CTNNA3: variants seen among roughly 807,000 people sequenced by gnomAD.
CTNNA3 encodes the protein catenin alpha-3.
Under a neutral mutation model 95.7 loss-of-function variants are expected in CTNNA3, and 76 were observed. The observed-to-expected ratio is 0.79, with a 90% CI of 0.66 to 0.96. The LOEUF (loss-of-function observed/expected upper bound fraction) is 0.96, where lower values mean the gene tolerates loss of function less well. CTNNA3 is among the 40% of genes least tolerant of loss of function. CTNNA3 has a pLI of 0.00. For synonymous variants in CTNNA3, 431 were observed against 374.4 expected (o/e 1.15, Z -1.74); for missense variants, 1,191 against 1,089.8 (o/e 1.09, Z -1.31).
intron 15 of CTNNA3, among the ~76,000 whole-genome samples, chr10:66,047,917 C>A (rs1484508601): frequency 2.0e-5 from 3 of 151,810 alleles, no homozygotes; most frequent in East Asian, 1.9e-4. Context: ...TACAGCTAAC[C>A]AGGGAGGTGA....
intron 5 of CTNNA3, among the ~76,000 whole-genome samples, chr10:67,319,403 C>T (rs1028157879): frequency 6.6e-6 from 1 of 152,086 alleles, no homozygotes; most frequent in Non-Finnish European, 1.5e-5. Flanking sequence ...GTAACCCCAA[C>T]CCGGTAGCAC....
intron 17 of CTNNA3, among the ~76,000 whole-genome samples, chr10:65,954,213 G>A (rs1206683307): frequency 4.6e-5 from 7 of 152,084 alleles, no homozygotes; most frequent in South Asian, 2.1e-4. Context: ...CATATCCTTC[G>A]CCCACTTTTT....
intron 7 of CTNNA3, among the ~76,000 whole-genome samples, chr10:67,112,013 A>C (rs181445567): frequency 2.6e-5 from 4 of 151,980 alleles, no homozygotes; most frequent in Non-Finnish European, 5.9e-5. Flanking sequence ...TTAGCCTCCC[A>C]AAAAAAAGTG....
chr10:65,957,156 G>C (rs1007644564), intron 17 of CTNNA3, among the ~76,000 whole-genome samples: 2 of 151,984 alleles, frequency 1.3e-5, no homozygotes, highest in African/African-American at 4.8e-5. Context: ...CCTTCTTTGT[G>C]TCTTTTTATC....
intron 3 of CTNNA3, among the ~76,000 whole-genome samples, chr10:67,554,020 T>C (rs1277762374): frequency 1.3e-5 from 2 of 152,240 alleles, no homozygotes; most frequent in Admixed American, 6.5e-5. Flanking sequence ...TTTGGTTTTC[T>C]GTCCTTGTGA....
intron 17 of CTNNA3, among the ~76,000 whole-genome samples, chr10:65,937,864 T>A (rs572899725): frequency 1.3e-5 from 2 of 152,232 alleles, no homozygotes; most frequent in South Asian, 4.1e-4. Context: ...CATGACACTT[T>A]GCAAGCAGGT....
chr10:67,558,514 T>C (rs567284099), intron 3 of CTNNA3, among the ~76,000 whole-genome samples: 36 of 152,314 alleles, frequency 2.4e-4, no homozygotes, highest in Non-Finnish European at 3.4e-4. Context: ...GCAGCCAAGA[T>C]GGCCGAATAG....
intron 12 of CTNNA3, among the ~76,000 whole-genome samples, chr10:66,282,719 A>G (rs937711190): frequency 6.6e-6 from 1 of 151,804 alleles, no homozygotes; most frequent in Admixed American, 6.6e-5. Context: ...TGCTCTTAGC[A>G]TTAAGTATTA....
At chr10:66,690,530 G>A (rs900385381) in intron 9 of CTNNA3, among the ~76,000 whole-genome samples, 1 of 146,814 alleles carries the variant, frequency 6.8e-6, no homozygotes, top group Admixed American at 6.9e-5. Flanking sequence ...CTGTGTCCAC[G>A]TGTTCTCATC....
chr10:66,289,314 C>A (rs974686301), intron 12 of CTNNA3, among the ~76,000 whole-genome samples: 11 of 150,886 alleles, frequency 7.3e-5, no homozygotes, highest in African/African-American at 2.7e-4. Flanking sequence ...ACAGGCCAGG[C>A]GTGGTGGCTC....
intron 7 of CTNNA3, among the ~76,000 whole-genome samples, chr10:67,140,376 A>C (rs1860499120): frequency 6.6e-6 from 1 of 152,158 alleles, no homozygotes; most frequent in Non-Finnish European, 1.5e-5. Flanking sequence ...AGAATAGCAA[A>C]ATGGGCTGCA....
intron 9 of CTNNA3, among the ~76,000 whole-genome samples, chr10:66,671,335 T>A (rs1041153858): frequency 1.3e-5 from 2 of 152,090 alleles, no homozygotes; most frequent in Non-Finnish European, 2.9e-5. Context: ...ATTGAAATCA[T>A]TTTTTTAATA....
intron 16 of CTNNA3, among the ~76,000 whole-genome samples, chr10:65,972,652 T>C (rs1005795036): frequency 6.6e-6 from 1 of 151,960 alleles, no homozygotes; most frequent in African/African-American, 2.4e-5. Flanking sequence ...GTGAAAGATC[T>C]CTACAAGGAG....
rs902938979 is a variant in CTNNA3, at chr10:67,662,961, T to C, written c.-5-15443A>G. ...TACATTATTTCATTCACTATATAAT[T>C]ACAAGTTTCCACTGATATCCTTTGG... On this transcript the variant is annotated intron_variant, in intron 1 of 17. Transcript: ENST00000433211. Among the ~76,000 whole-genome samples the C allele has an allele frequency of 5.3e-5, 8 of 152,350 alleles. No homozygotes were observed. The East Asian group carries it at 1.5e-3, about 29-fold the overall frequency.
chr10:66,132,949 A>T (rs959239960), intron 13 of CTNNA3, among the ~76,000 whole-genome samples: 1 of 152,176 alleles, frequency 6.6e-6, no homozygotes, highest in Non-Finnish European at 1.5e-5. Context: ...ACTGTTGGTT[A>T]CTTGTCTTAG....
intron 12 of CTNNA3, among the ~76,000 whole-genome samples, chr10:66,319,296 A>C (rs2092149275): frequency 6.6e-6 from 1 of 152,134 alleles, no homozygotes; most frequent in African/African-American, 2.4e-5. Flanking sequence ...CCATAGAGCT[A>C]CTTACTGATT....
intron 2 of CTNNA3, among the ~76,000 whole-genome samples, chr10:67,639,313 T>C (rs921704715): frequency 3.9e-5 from 6 of 152,136 alleles, no homozygotes; most frequent in South Asian, 2.1e-4. Context: ...CAGGAAGAAG[T>C]TGAATCTCTG....
intron 3 of CTNNA3, among the ~76,000 whole-genome samples, chr10:67,560,004 C>T (rs1202323192): frequency 4.6e-5 from 7 of 152,236 alleles, no homozygotes; most frequent in Middle Eastern, 3.4e-3. Context: ...ACCAAATCTA[C>T]GTCTGATTGG....
intron 7 of CTNNA3, among the ~76,000 whole-genome samples, chr10:67,096,704 T>C (rs562198780): frequency 4.9e-4 from 74 of 152,012 alleles, no homozygotes; most frequent in African/African-American, 1.8e-3. Context: ...TGTGTTTCCC[T>C]TCTCACCATG....
Sources: gnomAD v4.1 joint callset for allele counts (sites outside exome capture counted in the v4.1 genomes callset) on GRCh38, gnomAD v4.1.1 for gene constraint, MANE v1.5 for transcripts, NCBI Gene and HGNC (gene_info 2026-07-23, HGNC 2026-07-21) for gene names.